CNTFR: variants seen among roughly 807,000 people sequenced by gnomAD.
The protein encoded by CNTFR is ciliary neurotrophic factor receptor, also known as ciliary neurotrophic factor receptor subunit alpha.
In CNTFR, 12 loss-of-function variants were observed where a neutral mutation model predicts 40.4. The observed-to-expected ratio is 0.30, with a 90% CI of 0.19 to 0.48. The LOEUF (loss-of-function observed/expected upper bound fraction) is 0.48. Ranked by LOEUF, CNTFR falls within the 20% of genes least tolerant of loss-of-function variation. The pLI, the probability that CNTFR is intolerant of heterozygous loss-of-function variation, is 0.99. For synonymous variants in CNTFR, 202 were observed against 209.6 expected (o/e 0.96, Z 0.31); for missense variants, 414 against 506.8 (o/e 0.82, Z 1.76).
chr9:34,566,507 C>T (rs532649686), intron 3 of CNTFR, among the ~76,000 whole-genome samples: 3 of 152,260 alleles, frequency 2.0e-5, no homozygotes, highest in East Asian at 1.9e-4. Flanking sequence ...GGCCACTGAG[C>T]GCCCCCAACA....
rs1038646382 is a variant in CNTFR at position 34,552,968 on chromosome 9, G to A, written c.769-114C>T. On this transcript the variant is annotated intron_variant, in intron 7 of 9. Transcript: ENST00000378980. The surrounding 1 kb of genome is among the most constrained non-coding windows in gnomAD (Gnocchi z 5.1). ...GAGAGGAGAGTAAAGGGCTCTGGGGGCAGTGAGGACTTCCCTGAGGAGAAG... is the reference window on the plus strand; with the variant it reads ...GAGAGGAGAGTAAAGGGCTCTGGGGACAGTGAGGACTTCCCTGAGGAGAAG... The A allele has an allele frequency of 9.2e-6, 9 of 983,566 alleles. No individual in the cohort carries two copies. The African/African-American group carries it at 1.2e-4, about 13-fold the overall frequency. The allele number at this position is 983,566 out of a possible 1,614,324, so 60.9% of individuals were successfully genotyped here.
At chr9:34,571,733 G>A (rs1826668834) in intron 2 of CNTFR, among the ~76,000 whole-genome samples, 1 of 152,088 alleles carries the variant, frequency 6.6e-6, no homozygotes, top group African/African-American at 2.4e-5. Flanking sequence ...CTGCAGAGTG[G>A]GGATGGGGTG....
intron 3 of CNTFR, among the ~76,000 whole-genome samples, chr9:34,567,204 C>T (rs1435518999): frequency 1.3e-5 from 2 of 151,918 alleles, no homozygotes; most frequent in African/African-American, 2.4e-5. Context: ...GGCCCTGAAG[C>T]GGTGACAAAT....
intron 2 of CNTFR, among the ~76,000 whole-genome samples, chr9:34,579,884 C>A (rs1827198625): frequency 6.6e-6 from 1 of 152,134 alleles, no homozygotes; most frequent in South Asian, 2.1e-4. Flanking sequence ...CTGGCCTCCT[C>A]CTCCTTGGCC....
chr9:34,555,600 G>T (rs1015049013), intron 7 of CNTFR, among the ~76,000 whole-genome samples: 47 of 152,010 alleles, frequency 3.1e-4, no homozygotes, highest in Admixed American at 7.2e-4. Context: ...CCACTGCTTG[G>T]TTCCCAGCCA....
chr9:34,571,799 G>A (rs1269153530), intron 2 of CNTFR, among the ~76,000 whole-genome samples: 1 of 152,066 alleles, frequency 6.6e-6, no homozygotes, highest in African/African-American at 2.4e-5. Context: ...ACTCAGGGAG[G>A]AGAGACAAGA....
At chr9:34,562,916 A>C (rs1826126978) in intron 4 of CNTFR, among the ~76,000 whole-genome samples, 3 of 151,804 alleles carry the variant, frequency 2.0e-5, no homozygotes, top group Admixed American at 2.0e-4. Context: ...GCTCCTTCTT[A>C]TTTCTTTTTG....
chr9:34,556,591 T>C (rs952393862), intron 6 of CNTFR, among the ~76,000 whole-genome samples, 173 bp from the exon 7 acceptor site: 8 of 152,170 alleles, frequency 5.3e-5, no homozygotes, highest in Admixed American at 4.6e-4. Flanking sequence ...AACTATCTCA[T>C]TAGTTCCAAG....
At chr9:34,582,876 A>G (rs1325845079) in intron 1 of CNTFR, 1 of 152,244 alleles carries the variant, frequency 6.6e-6, no homozygotes, top group African/African-American at 2.4e-5. Flanking sequence ...GTATGCAGAC[A>G]GACACATATA....
chr9:34,556,206 C>T (rs1199009455), intron 7 of CNTFR, 49 bp downstream of exon 7: 1 of 1,579,734 alleles, frequency 6.3e-7, no homozygotes, highest in East Asian at 2.3e-5. Context: ...ACTCACTGCA[C>T]ATGATTCTAA....
intron 2 of CNTFR, among the ~76,000 whole-genome samples, chr9:34,572,895 GACTC>G (rs1483233808): frequency 6.6e-6 from 1 of 152,198 alleles, no homozygotes; most frequent in Non-Finnish European, 1.5e-5. Flanking sequence ...GATGCAATGA[GACTC>G]AGTCACATCG....
At position 34,557,754 on chromosome 9, in the gene CNTFR, G is replaced by A; in HGVS notation, c.438-62C>T. The A allele has an allele frequency of 1.2e-6, 2 of 1,603,640 alleles. No individual in the cohort carries two copies. Among genetic ancestry groups the A allele is most frequent in the Non-Finnish European group, 1.7e-6 (2 of 1,171,322 alleles). ...TCAAGGGTCAGGTGGGGCAGAGGTTGAGGAAAGGTCAAGCCCAAGGCAGGG... is the reference window on the plus strand; with the variant it reads ...TCAAGGGTCAGGTGGGGCAGAGGTTAAGGAAAGGTCAAGCCCAAGGCAGGG... On this transcript the variant is annotated intron_variant, in intron 5 of 9. Coordinates refer to ENST00000378980, the MANE Select transcript of CNTFR (RefSeq NM_147164.3). The surrounding 1 kb of genome is among the most constrained non-coding windows in gnomAD (Gnocchi z 4.2).
intron 4 of CNTFR, among the ~76,000 whole-genome samples, chr9:34,560,556 G>A (rs1054539899): frequency 1.3e-5 from 2 of 152,244 alleles, no homozygotes; most frequent in Admixed American, 1.3e-4. Context: ...AGCATAGTGA[G>A]GCTGAATGTA....
chr9:34,569,169 G>C (rs1826460201), intron 2 of CNTFR, among the ~76,000 whole-genome samples, 188 bp from the exon 3 acceptor site: 1 of 152,204 alleles, frequency 6.6e-6, no homozygotes, highest in Non-Finnish European at 1.5e-5. Flanking sequence ...TGCAGGCAGG[G>C]AGCTTAGGAA....
In CNTFR at chr9:34,551,929, C is replaced by G. The variant is rs986011798; in HGVS notation, c.*142G>C. On this transcript the variant is annotated 3_prime_UTR_variant, in exon 10 of 10. Coordinates refer to ENST00000378980, the MANE Select transcript of CNTFR (RefSeq NM_147164.3). ...CTGGGGGGCGGCAGGCCCGGGCCCG[C>G]CGGGGTCTCCACAAATTGTGTCTGA... 3 of 722,628 alleles carry G rather than the reference C, an allele frequency of 4.2e-6. No individual in the cohort carries two copies. Among genetic ancestry groups the G allele is most frequent in the Non-Finnish European group, 7.6e-6 (3 of 394,234 alleles). The allele number at this position is 722,628 out of a possible 1,614,324, so 44.8% of individuals were successfully genotyped here.
At chr9:34,585,986 G>A (rs1156927011) in intron 1 of CNTFR, among the ~76,000 whole-genome samples, 1 of 152,248 alleles carries the variant, frequency 6.6e-6, no homozygotes, top group Non-Finnish European at 1.5e-5. Flanking sequence ...ACCCCGGCTG[G>A]AGAGCGTGTG....
intron 2 of CNTFR, among the ~76,000 whole-genome samples, chr9:34,576,347 C>T (rs1182391913): frequency 6.6e-6 from 1 of 152,200 alleles, no homozygotes; most frequent in East Asian, 1.9e-4. Context: ...ATCACACACT[C>T]CGAACAGTCA....
intron 1 of CNTFR, among the ~76,000 whole-genome samples, chr9:34,587,368 C>G (rs1827589266): frequency 6.6e-6 from 1 of 152,162 alleles, no homozygotes; most frequent in Admixed American, 6.6e-5. Flanking sequence ...TAAGTGTGAA[C>G]ATCAGAATCC....
intron 2 of CNTFR, among the ~76,000 whole-genome samples, chr9:34,576,235 C>G (rs1349231013): frequency 1.3e-5 from 2 of 152,188 alleles, no homozygotes; most frequent in Non-Finnish European, 2.9e-5. Flanking sequence ...ACATGGACAC[C>G]CACTCCCACA....
Sources: allele counts gnomAD v4.1 joint callset (sites outside exome capture counted in the v4.1 genomes callset), GRCh38; gene constraint gnomAD v4.1.1; non-coding constraint Gnocchi (gnomAD v3.1); transcripts MANE v1.5; gene names NCBI Gene and HGNC (gene_info 2026-07-23, HGNC 2026-07-21).